TAFA1: variants seen among roughly 807,000 people sequenced by gnomAD.
TAFA1 encodes the protein TAFA chemokine like family member 1.
A neutral mutation model predicts 18.5 loss-of-function variants in TAFA1; 4 were observed. That is an observed-to-expected ratio of 0.22 (90% CI 0.11 to 0.49). The LOEUF is 0.49. Ranked by LOEUF, TAFA1 falls within the 20% of genes least tolerant of loss-of-function variation. The probability of loss-of-function intolerance (pLI) is 0.98; values close to 1 mark genes in which losing one functional copy is unlikely to be tolerated. For missense variants in TAFA1, 147 were observed against 169.0 expected (o/e 0.87, Z 0.72); for synonymous variants, 56 against 55.2 (o/e 1.01, Z -0.06).
chr3:68,388,624 A>G (rs536620786), intron 2 of TAFA1, among the ~76,000 whole-genome samples: 14 of 152,254 alleles, frequency 9.2e-5, no homozygotes, highest in Non-Finnish European at 1.6e-4. Flanking sequence ...CCACATCTAC[A>G]GAGTTAGATG....
intron 2 of TAFA1, among the ~76,000 whole-genome samples, chr3:68,223,421 G>T (rs569125560): frequency 3.3e-5 from 5 of 152,118 alleles, no homozygotes; most frequent in Admixed American, 1.3e-4. Context: ...AGTTAACTAA[G>T]TCATAGAAAT....
intron 3 of TAFA1, among the ~76,000 whole-genome samples, chr3:68,514,738 T>TC (rs1198013269): frequency 6.6e-6 from 1 of 152,036 alleles, no homozygotes; most frequent in African/African-American, 2.4e-5. Flanking sequence ...AAACGTTTTT[T>TC]CCCAATATCA....
chr3:68,330,539 G>T (rs541727179), intron 2 of TAFA1, among the ~76,000 whole-genome samples: 1 of 152,240 alleles, frequency 6.6e-6, no homozygotes, highest in Admixed American at 6.5e-5. Context: ...TTGAGTTCTT[G>T]CTGTGCTTTA....
At chr3:68,331,603 G>A (rs74437059) in intron 2 of TAFA1, among the ~76,000 whole-genome samples, 21,423 of 152,088 alleles carry the variant, frequency 0.14, 1,663 homozygotes, top group East Asian at 0.28. Context: ...CTTTTAGGAG[G>A]TTATTACAAA....
intron 2 of TAFA1, among the ~76,000 whole-genome samples, chr3:68,032,824 A>G (rs1255429845): frequency 1.3e-5 from 2 of 152,194 alleles, no homozygotes; most frequent in African/African-American, 2.4e-5. Flanking sequence ...TACAGAGCCA[A>G]GAATCTGGGG....
intron 3 of TAFA1, among the ~76,000 whole-genome samples, chr3:68,439,922 C>A (rs2071341482): frequency 6.6e-6 from 1 of 152,062 alleles, no homozygotes; most frequent in African/African-American, 2.4e-5. Context: ...ATAATTATGC[C>A]TAACATAATA....
intron 4 of TAFA1, among the ~76,000 whole-genome samples, chr3:68,539,679 G>GTGTGTGTGTGT (rs1316493591): frequency 4.2e-5 from 2 of 47,448 alleles, no homozygotes; most frequent in African/African-American, 1.9e-4. Flanking sequence ...GTGTGTGTGT[G>GTGTGTGTGTGT]GGGGGGCATG....
At chr3:68,266,281 C>A (rs1388197969) in intron 2 of TAFA1, among the ~76,000 whole-genome samples, 1 of 152,070 alleles carries the variant, frequency 6.6e-6, no homozygotes, top group Non-Finnish European at 1.5e-5. Flanking sequence ...GAAGCTTGAT[C>A]TTTGGCTTAA....
At chr3:68,439,568 G>A (rs2071336049) in intron 3 of TAFA1, among the ~76,000 whole-genome samples, 1 of 151,334 alleles carries the variant, frequency 6.6e-6, no homozygotes, top group Non-Finnish European at 1.5e-5. Flanking sequence ...GATGTTTGAG[G>A]GCAGGAAGTA....
intron 2 of TAFA1, among the ~76,000 whole-genome samples, chr3:68,222,919 C>T (rs1380433640): frequency 6.6e-6 from 1 of 152,112 alleles, no homozygotes; most frequent in Non-Finnish European, 1.5e-5. Flanking sequence ...GCGATCCACC[C>T]ACCTTAGCCT....
intron 2 of TAFA1, among the ~76,000 whole-genome samples, chr3:68,169,600 T>A (rs1462348238): frequency 1.3e-5 from 2 of 152,240 alleles, no homozygotes; most frequent in African/African-American, 4.8e-5. Flanking sequence ...TACTCTGCAA[T>A]AAATAATGAA....
At chr3:68,230,003 T>C (rs778826260) in intron 2 of TAFA1, among the ~76,000 whole-genome samples, 34 of 152,178 alleles carry the variant, frequency 2.2e-4, no homozygotes, top group Non-Finnish European at 4.1e-4. Context: ...ACAAGAGTTG[T>C]ACATGTACAT....
intron 2 of TAFA1, among the ~76,000 whole-genome samples, chr3:68,267,521 T>G (rs1033090285): frequency 6.6e-6 from 1 of 152,142 alleles, no homozygotes; most frequent in Non-Finnish European, 1.5e-5. Flanking sequence ...TCCCACCCTA[T>G]AGATGGAAGT....
intron 2 of TAFA1, among the ~76,000 whole-genome samples, chr3:68,260,119 T>C (rs1559583900): frequency 1.3e-5 from 2 of 152,154 alleles, no homozygotes; most frequent in Non-Finnish European, 2.9e-5. Flanking sequence ...CCCATCAATA[T>C]GTAATTTATT....
chr3:68,023,664 T>C (rs560539458), intron 2 of TAFA1, among the ~76,000 whole-genome samples: 1 of 152,288 alleles, frequency 6.6e-6, no homozygotes, highest in East Asian at 1.9e-4. Flanking sequence ...TGTTGGATAC[T>C]GAAATATCCA....
At position 68,242,979 on chromosome 3, in the gene TAFA1, G is replaced by C. The variant is rs143751379; in HGVS notation, c.119-174301G>C. Among the ~76,000 whole-genome samples the C allele has an allele frequency of 2.7e-4, 41 of 152,164 alleles. 1 individual carries two copies. In the East Asian group the frequency reaches 7.1e-3, roughly 27 times the overall value. Reference sequence around the variant, plus strand: ...GGATTATATGATTGTATGATTATTAGTCTTCCCTGGATTTTGGCTAAAAAC... The same window carrying C: ...GGATTATATGATTGTATGATTATTACTCTTCCCTGGATTTTGGCTAAAAAC... On this transcript the variant is annotated intron_variant, in intron 2 of 4. Coordinates refer to ENST00000478136, the MANE Select transcript of TAFA1 (RefSeq NM_213609.4).
chr3:68,242,104 A>G (rs1235876645), intron 2 of TAFA1, among the ~76,000 whole-genome samples: 1 of 152,164 alleles, frequency 6.6e-6, no homozygotes, highest in Non-Finnish European at 1.5e-5. Context: ...AGCAAGATGC[A>G]TATACTTTAC....
At chr3:68,373,415 T>C (rs2106822433) in intron 2 of TAFA1, among the ~76,000 whole-genome samples, 1 of 152,296 alleles carries the variant, frequency 6.6e-6, no homozygotes, top group East Asian at 1.9e-4. Flanking sequence ...ATGTGGTTAT[T>C]TAACCCTAAA....
the TAFA1 span, among the ~76,000 whole-genome samples, chr3:67,997,133 TAGAA>T: frequency 1.3e-5 from 2 of 152,152 alleles, no homozygotes; most frequent in African/African-American, 4.8e-5. Context: ...ATTTTTCAAA[TAGAA>T]AGAATGTTTC....
Sources: allele counts gnomAD v4.1 joint callset (sites outside exome capture counted in the v4.1 genomes callset), GRCh38; gene constraint gnomAD v4.1.1; transcripts MANE v1.5; gene names NCBI Gene and HGNC (gene_info 2026-07-23, HGNC 2026-07-21).